Variants in FERMT1 observed in about 807,000 individuals in gnomAD.
FERMT1 encodes fermitin family homolog 1.
In FERMT1, 60 loss-of-function variants were observed where a neutral mutation model predicts 85.3. The ratio of observed to expected loss-of-function variants is 0.70; its 90% confidence interval spans 0.57 to 0.87. The LOEUF is 0.87. Ranked by LOEUF, FERMT1 falls within the 40% of genes least tolerant of loss-of-function variation. The pLI, the probability that FERMT1 is intolerant of heterozygous loss-of-function variation, is 0.00. For missense variants in FERMT1, 701 were observed against 818.9 expected, an observed-to-expected ratio of 0.86 and a Z score of 1.76; for synonymous variants, 275 against 301.1, an observed-to-expected ratio of 0.91 and a Z score of 0.90.
rs918765911 is a variant in FERMT1, at chr20:6,110,524, G to A, written c.533-13C>T. ...AAACCAGGACTTACTGCAAGGCAGG[G>A]GGATCAAGAACTATGATATGAGAAT... On this transcript the variant is annotated splice_polypyrimidine_tract_variant and intron_variant, in intron 4 of 14. Coordinates refer to ENST00000217289, the MANE Select transcript of FERMT1 (RefSeq NM_017671.5). 1 of 1,594,948 alleles carries A rather than the reference G, an allele frequency of 6.3e-7. No homozygotes were observed. The highest frequency in any genetic ancestry group is 8.6e-7 in the Non-Finnish European group (1 of 1,162,472).
chr20:6,110,976 G>A (rs1040699367), intron 4 of FERMT1, among the ~76,000 whole-genome samples: 4 of 152,006 alleles, frequency 2.6e-5, no homozygotes, highest in East Asian at 1.9e-4. Context: ...TCACTCTGTC[G>A]CCCAGGCTGG....
At chr20:6,099,707 C>T (rs976920525) in intron 6 of FERMT1, among the ~76,000 whole-genome samples, 1 of 149,280 alleles carries the variant, frequency 6.7e-6, no homozygotes, top group African/African-American at 2.5e-5. Context: ...AGACTCTTGT[C>T]TCTATTTTTT....
chr20:6,088,382 C>T (rs964497670), intron 10 of FERMT1, among the ~76,000 whole-genome samples: 1 of 152,162 alleles, frequency 6.6e-6, no homozygotes, highest in Admixed American at 6.5e-5. Flanking sequence ...CTTACAGCAC[C>T]TCATGTGCTA....
chr20:6,084,214 T>G (rs1315116113), intron 12 of FERMT1, 50 bp from the exon 13 acceptor site: 2 of 1,573,726 alleles, frequency 1.3e-6, no homozygotes, highest in South Asian at 2.3e-5. Context: ...GGCTGCTCTG[T>G]GATCACCCTG....
chr20:6,108,739 G>A (rs903342194), intron 5 of FERMT1, among the ~76,000 whole-genome samples: 3 of 151,832 alleles, frequency 2.0e-5, no homozygotes, highest in Non-Finnish European at 2.9e-5. Flanking sequence ...GTTTGAACCC[G>A]GGAGGTGGAG....
intron 1 of FERMT1, among the ~76,000 whole-genome samples, chr20:6,121,978 C>A (rs535374261): frequency 6.6e-6 from 1 of 152,314 alleles, no homozygotes; most frequent in East Asian, 1.9e-4. Context: ...AAGATCCTTA[C>A]AATTTCTTAA....
In FERMT1 at chr20:6,075,104, A is replaced by G. The variant is rs1059396; in HGVS notation, c.*2069T>C. Reference sequence around the variant, plus strand: ...TTTCTTTGGGATGTTGCTGTGTGTCATGGAAGAAACGCTCCCCTGAAAACT... The same window carrying G: ...TTTCTTTGGGATGTTGCTGTGTGTCGTGGAAGAAACGCTCCCCTGAAAACT... On this transcript the variant is annotated 3_prime_UTR_variant, in exon 15 of 15. Transcript: ENST00000217289. The G allele has an allele frequency of 0.28, 41,125 of 146,794 alleles. 6,112 individuals carry two copies. The highest frequency in any genetic ancestry group is 0.56 in the East Asian group (2,830 of 5,072). The allele number at this position is 146,794 out of a possible 1,614,324, so 9.1% of individuals were successfully genotyped here. A position where few individuals can be genotyped will look rare whatever the true frequency, so the allele number is the denominator to read the frequency against.
At chr20:6,119,227 T>G (rs1983194867) in intron 2 of FERMT1, among the ~76,000 whole-genome samples, 177 bp downstream of exon 2, 1 of 152,050 alleles carries the variant, frequency 6.6e-6, no homozygotes. Flanking sequence ...GGATTACAGG[T>G]GTGAGCCACG....
Position 6,077,490 on chromosome 20 carries a change from A to G in FERMT1, c.1861-144T>C. The stretch of plus-strand genomic sequence containing the variant: ...CCTCTAAAACACACAGAAAACCATC[A>G]CTTCCATTAAACGCTTCCAGAAAAC... On this transcript the variant is annotated intron_variant, in intron 14 of 14. Transcript: ENST00000217289. 3 of 775,390 alleles carry G rather than the reference A, an allele frequency of 3.9e-6. No homozygotes were observed. The South Asian group carries it at 4.9e-5, about 13-fold the overall frequency. The allele number at this position is 775,390 out of a possible 1,614,324, so 48.0% of individuals were successfully genotyped here.
intron 6 of FERMT1, among the ~76,000 whole-genome samples, chr20:6,103,964 G>A (rs1982732126): frequency 6.6e-6 from 1 of 151,614 alleles, no homozygotes; most frequent in African/African-American, 2.4e-5. Flanking sequence ...TCTGCTTCCC[G>A]GGTTCAAGTG....
At chr20:6,108,712 AG>A (rs1982863476) in intron 5 of FERMT1, among the ~76,000 whole-genome samples, 1 of 151,782 alleles carries the variant, frequency 6.6e-6, no homozygotes, top group Non-Finnish European at 1.5e-5. Flanking sequence ...TGGGAGGCTG[AG>A]GCAGGCAGGA....
chr20:6,089,477 T>C (rs1354641090), intron 9 of FERMT1, among the ~76,000 whole-genome samples: 1 of 152,200 alleles, frequency 6.6e-6, no homozygotes, highest in South Asian at 2.1e-4. Flanking sequence ...GCAACTGAAG[T>C]GTTAACTGTG....
At position 6,076,539 on chromosome 20, in the gene FERMT1, A is replaced by T; in HGVS notation, c.*634T>A. The T allele has an allele frequency of 2.0e-6, 1 of 488,508 alleles. No individual in the cohort carries two copies. Among genetic ancestry groups the T allele is most frequent in the Non-Finnish European group, 4.1e-6 (1 of 244,690 alleles). The allele number at this position is 488,508 out of a possible 1,614,324, so 30.3% of individuals were successfully genotyped here. ...TAAGACCAGATGTGGGTCAGTGGTC[A>T]TCTTGGCAGGTATCACTGTGGACAG... is the stretch of plus-strand genomic sequence containing the variant. On this transcript the variant is annotated 3_prime_UTR_variant, in exon 15 of 15. Coordinates refer to ENST00000217289, the MANE Select transcript of FERMT1 (RefSeq NM_017671.5).
In FERMT1 at chr20:6,107,532, T is replaced by C; in HGVS notation, c.849A>G (p.Lys283=). 6.3e-7 allele frequency: 1 copy of C among 1,594,910 alleles called. No homozygotes were observed. Residue 283 remains lysine (K), a splice_region_variant and synonymous_variant, in exon 6 of 15, where the codon AAA becomes AAG. Transcript: ENST00000217289. ...AGACAAAAGAGAAAAAGTTGCTTAC[T>C]TTAGGATTCAAGTCGAAGAAAGAAT... ...KYYSFFDLNP[K]YDAVRINQLY...
rs762224218 is a variant in FERMT1 at position 6,079,526 on chromosome 20, C to T, written c.1770G>A (p.Leu590=). Residue 590 remains leucine (L), a synonymous_variant, in exon 14 of 15, where the codon TTG becomes TTA. Coordinates refer to ENST00000217289, the MANE Select transcript of FERMT1 (RefSeq NM_017671.5). ...DDILGVSYNR[L]IKIDAATGIP... is the part of the protein sequence containing the mutation. ...TCCCGGTGGCTGCATCAATTTTAAT[C>T]AACCTGTTATATGAAACTCCCAGAA... The T allele has an allele frequency of 4.3e-6, 7 of 1,613,796 alleles. No homozygotes were observed. Among genetic ancestry groups the T allele is most frequent in the East Asian group, 2.2e-5 (1 of 44,880 alleles).
chr20:6,120,687 G>T (rs999300683), intron 1 of FERMT1, among the ~76,000 whole-genome samples: 3 of 152,078 alleles, frequency 2.0e-5, no homozygotes, highest in Non-Finnish European at 2.9e-5. Context: ...TTTTCATAAG[G>T]CCTATTTTTA....
intron 12 of FERMT1, among the ~76,000 whole-genome samples, chr20:6,084,573 T>A (rs1361638083): frequency 6.6e-6 from 1 of 152,162 alleles, no homozygotes; most frequent in Non-Finnish European, 1.5e-5. Context: ...TAGTCAGCAG[T>A]ACAGTCACCT....
intron 2 of FERMT1, 88 bp downstream of exon 2, chr20:6,119,316 T>C: frequency 7.8e-7 from 1 of 1,286,956 alleles, no homozygotes; most frequent in Non-Finnish European, 1.1e-6. Context: ...ACAAGATAAA[T>C]GATCAGAAAA....
In FERMT1 at chr20:6,115,765, C is replaced by T. The variant is rs746474974; in HGVS notation, c.385+46G>A. ...ATGCACACATAATTTTCCTGTCTAG[C>T]TTTGCAAGAGTCTACAGGGCACAGG... On this transcript the variant is annotated intron_variant, in intron 3 of 14. Coordinates refer to ENST00000217289, the MANE Select transcript of FERMT1 (RefSeq NM_017671.5). 24 of 1,404,608 alleles carry T rather than the reference C, an allele frequency of 1.7e-5. No homozygotes were observed. In the Admixed American group the frequency reaches 3.0e-4, roughly 18 times the overall value. The allele number at this position is 1,404,608 out of a possible 1,614,324, so 87.0% of individuals were successfully genotyped here. A position where few individuals can be genotyped will look rare whatever the true frequency, so the allele number is the denominator to read the frequency against.
Sources: gnomAD v4.1 joint callset for allele counts (sites outside exome capture counted in the v4.1 genomes callset) on GRCh38, gnomAD v4.1.1 for gene constraint, MANE v1.5 for transcripts, NCBI Gene and HGNC (gene_info 2026-07-23, HGNC 2026-07-21) for gene names.